The following JAK2 variants were observed in gnomAD, a reference collection of about 807,000 sequenced individuals.
JAK2 encodes Janus kinase 2.
In JAK2, 86 loss-of-function variants were observed where a neutral mutation model predicts 139.3. The observed-to-expected ratio is 0.62, with a 90% CI of 0.52 to 0.74. The LOEUF (loss-of-function observed/expected upper bound fraction) is 0.74. JAK2 is among the 30% of genes least tolerant of loss of function. The probability of loss-of-function intolerance (pLI) is 0.00; values close to 1 mark genes in which losing one functional copy is unlikely to be tolerated. For synonymous variants in JAK2, 490 were observed against 437.7 expected (o/e 1.12, Z -1.49); for missense variants, 1,421 against 1,360.3 (o/e 1.04, Z -0.70).
At chr9:5,036,119 C>T (rs1823581328) in intron 4 of JAK2, among the ~76,000 whole-genome samples, 1 of 152,194 alleles carries the variant, frequency 6.6e-6, no homozygotes, top group Non-Finnish European at 1.5e-5. Context: ...CATGAGTGAA[C>T]TCCCATTCAC....
In JAK2 at chr9:5,069,996, C is replaced by T. The variant is rs1347011638; in HGVS notation, c.1585C>T (p.Pro529Ser). The T allele has an allele frequency of 6.2e-7, 1 of 1,607,754 alleles. No homozygotes were observed. The highest frequency in any genetic ancestry group is 8.5e-7 in the Non-Finnish European group (1 of 1,175,678). ...ACCAACCTCACCAACATTACAGAGG[C>T]CTACTCATATGAACCAAATGGTGTT... ...DVPTSPTLQR[P>S]THMNQMVFHK... The change falls in exon 12 of 25, where the codon CCT becomes TCT. Residue 529 changes from proline to serine, a missense_variant. Coordinates refer to ENST00000381652, the MANE Select transcript of JAK2 (RefSeq NM_004972.4).
intron 22 of JAK2, chr9:5,109,609 T>C (rs1822268583): frequency 6.6e-6 from 1 of 152,186 alleles, no homozygotes; most frequent in South Asian, 2.1e-4. Context: ...AAAATAGCCA[T>C]CACATGCGCC....
chr9:5,085,470 A>C (rs2130642934), intron 19 of JAK2: 2 of 727,622 alleles, frequency 2.7e-6, no homozygotes, highest in Middle Eastern at 2.4e-4. Context: ...GGTATTGTGC[A>C]AATCTCTCAT....
At chr9:5,115,992 C>G (rs540622006) in intron 22 of JAK2, among the ~76,000 whole-genome samples, 99 of 152,086 alleles carry the variant, frequency 6.5e-4, no homozygotes, top group African/African-American at 2.3e-3. Flanking sequence ...ACCACCATGA[C>G]ACGTGTATAC....
intron 3 of JAK2, among the ~76,000 whole-genome samples, chr9:5,023,272 C>G (rs933982435): frequency 6.6e-6 from 1 of 152,170 alleles, no homozygotes; most frequent in Non-Finnish European, 1.5e-5. Context: ...TCTTTCAGTT[C>G]CTGGCTTATT....
At chr9:5,084,999 TTA>T in intron 19 of JAK2, 1 of 848,520 alleles carries the variant, frequency 1.2e-6, no homozygotes, top group South Asian at 1.3e-5. Context: ...GAGTTGTCAT[TTA>T]TGTCTTGTGA....
intron 19 of JAK2, among the ~76,000 whole-genome samples, chr9:5,086,718 T>G (rs752891503): frequency 4.6e-5 from 7 of 152,242 alleles, no homozygotes; most frequent in Non-Finnish European, 8.8e-5. Context: ...TCTCCCTGTC[T>G]GACTATAACT....
intron 2 of JAK2, among the ~76,000 whole-genome samples, chr9:4,995,283 G>A (rs1028195659): frequency 3.2e-4 from 49 of 152,106 alleles, no homozygotes; most frequent in Non-Finnish European, 2.5e-4. Context: ...TTGAGTTTGC[G>A]AAATGAGTTG....
At chr9:5,103,873 A>C (rs1821732863) in intron 22 of JAK2, among the ~76,000 whole-genome samples, 1 of 152,268 alleles carries the variant, frequency 6.6e-6, no homozygotes, top group Admixed American at 6.5e-5. Flanking sequence ...AACCAACGAG[A>C]ACAAAGACAC....
chr9:5,069,808 AATTAGGAG>A, intron 11 of JAK2, 109 bp from the exon 12 acceptor site: 2 of 504,822 alleles, frequency 4.0e-6, no homozygotes, highest in Non-Finnish European at 3.3e-6. Context: ...AAAAAAGAAC[AATTAGGAG>A]TTATTAAGCA....
chr9:5,097,961 G>A (rs933110417), intron 22 of JAK2: 10 of 152,018 alleles, frequency 6.6e-5, no homozygotes, highest in African/African-American at 2.4e-4. Flanking sequence ...TGGCCTATCC[G>A]GTATGCCGCA....
chr9:5,085,458 A>C, intron 19 of JAK2: 3 of 734,300 alleles, frequency 4.1e-6, no homozygotes, highest in Non-Finnish European at 5.1e-6. Flanking sequence ...AGGTCTTTTC[A>C]AGGTATTGTG....
intron 19 of JAK2, chr9:5,085,880 T>A (rs1045229824): frequency 3.8e-6 from 3 of 797,884 alleles, no homozygotes; most frequent in Admixed American, 3.4e-5. Context: ...GTTCTGTTGT[T>A]GATATGAGCG....
chr9:5,069,949 G>C lies in JAK2; in HGVS notation c.1538G>C (p.Arg513Thr), dbSNP rs949888810. Residue 513 changes from arginine (R) to threonine (T), a missense_variant, in exon 12 of 25, where the codon AGA becomes ACA. Physicochemically the swap from Arg to Thr is moderately conservative, Grantham distance 71. Coordinates refer to ENST00000381652, the MANE Select transcript of JAK2 (RefSeq NM_004972.4). ...PKDKSNLLVFRTNGVSDVPTS... is the reference protein window; with the variant it reads ...PKDKSNLLVFTTNGVSDVPTS... ...GATAAATCAAACCTTCTAGTCTTCA[G>C]AACGAATGGTGTTTCTGATGTACCA... is the stretch of plus-strand genomic sequence containing the variant. 4 of 1,603,872 alleles carry C rather than the reference G, an allele frequency of 2.5e-6. No homozygotes were observed. Among genetic ancestry groups the C allele is most frequent in the Non-Finnish European group, 3.4e-6 (4 of 1,172,534 alleles).
intron 22 of JAK2, chr9:5,110,995 C>T (rs552551494): frequency 4.5e-6 from 3 of 672,306 alleles, no homozygotes; most frequent in East Asian, 3.5e-5. Flanking sequence ...GTTCCCGCTG[C>T]CCGTTGCCAA....
chr9:5,034,567 A>T (rs1273867201), intron 4 of JAK2, among the ~76,000 whole-genome samples: 1 of 152,032 alleles, frequency 6.6e-6, no homozygotes, highest in Non-Finnish European at 1.5e-5. Flanking sequence ...TCAAACTAGA[A>T]CTCAGGATTA....
chr9:5,055,201 A>T (rs1463327401), intron 7 of JAK2, among the ~76,000 whole-genome samples: 1 of 152,016 alleles, frequency 6.6e-6, no homozygotes, highest in African/African-American at 2.4e-5. Flanking sequence ...TAATTATAAA[A>T]CTTGTTAACT....
At position 4,994,314 on chromosome 9, in the gene JAK2, G is replaced by A. The variant is rs142185242; in HGVS notation, c.-26+8292G>A. Among the ~76,000 whole-genome samples, 31 of 152,260 alleles carry A rather than the reference G, an allele frequency of 2.0e-4. No individual in the cohort carries two copies. The East Asian group carries it at 5.8e-3, about 29-fold the overall frequency. The stretch of plus-strand genomic sequence containing the variant: ...CTATTGAAGACAGTGAGGATTAACT[G>A]TACTAGAACTGTTTCCTAACCCACT... On this transcript the variant is annotated intron_variant, in intron 2 of 24. Coordinates refer to ENST00000381652, the MANE Select transcript of JAK2 (RefSeq NM_004972.4).
intron 4 of JAK2, chr9:5,041,359 C>G: frequency 1.6e-6 from 1 of 629,110 alleles, no homozygotes; most frequent in Non-Finnish European, 2.9e-6. Context: ...GCTACATGAG[C>G]ATCAACATGC....
Sources: allele counts gnomAD v4.1 joint callset (sites outside exome capture counted in the v4.1 genomes callset), GRCh38; gene constraint gnomAD v4.1.1; transcripts MANE v1.5; gene names NCBI Gene and HGNC (gene_info 2026-07-23, HGNC 2026-07-21).